The following NGEF variants were observed in gnomAD, a reference collection of about 807,000 sequenced individuals.
NGEF encodes neuronal guanine nucleotide exchange factor, also known as ephexin-1.
A neutral mutation model predicts 80.9 loss-of-function variants in NGEF; 31 were observed. The ratio of observed to expected loss-of-function variants is 0.38; its 90% CI spans 0.29 to 0.52. NGEF has a LOEUF of 0.52. Among genes scored for constraint, NGEF ranks in the 20% least tolerant of loss-of-function variants. The pLI is 0.84. For synonymous variants in NGEF, 371 were observed against 370.2 expected (o/e 1.00, Z -0.03); for missense variants, 709 against 926.2 (o/e 0.77, Z 3.04).
At chr2:232,899,610 TCA>T (rs760549339) in intron 5 of NGEF, among the ~76,000 whole-genome samples, 34 of 95,772 alleles carry the variant, frequency 3.6e-4, no homozygotes, top group African/African-American at 7.3e-4. Flanking sequence ...TCACATTCAC[TCA>T]CACACACATG....
chr2:232,939,175 CAAAAAAAAAAA>C (rs60357492), intron 3 of NGEF, among the ~76,000 whole-genome samples: 4 of 66,074 alleles, frequency 6.1e-5, no homozygotes, highest in Admixed American at 1.8e-4. Flanking sequence ...GACTCAGTCT[CAAAAAAAAAAA>C]AAAAAAAAAA....
intron 3 of NGEF, among the ~76,000 whole-genome samples, chr2:232,931,704 G>T (rs950867947): frequency 6.6e-6 from 1 of 152,158 alleles, no homozygotes; most frequent in Non-Finnish European, 1.5e-5. Context: ...TGCCAGCTGG[G>T]CCTGAGGAAA....
chr2:232,995,677 TTA>T (rs143771812), intron 1 of NGEF, among the ~76,000 whole-genome samples: 28,032 of 128,938 alleles, frequency 0.22, 3,602 homozygotes, highest in Non-Finnish European at 0.28. Context: ...TATATATGTA[TTA>T]TATATATTAT....
At chr2:232,995,921 AAC>A (rs1694833606) in intron 1 of NGEF, among the ~76,000 whole-genome samples, 1 of 151,548 alleles carries the variant, frequency 6.6e-6, no homozygotes, top group African/African-American at 2.4e-5. Context: ...TCACTTATCC[AAC>A]ACAGCATAAA....
chr2:232,905,328 T>C (rs1211480915), intron 5 of NGEF, among the ~76,000 whole-genome samples: 5 of 152,252 alleles, frequency 3.3e-5, no homozygotes, highest in Admixed American at 1.3e-4. Flanking sequence ...GGTCTCCAGC[T>C]CCTAACCGCG....
At chr2:232,905,521 C>T (rs1692483231) in intron 5 of NGEF, 1 of 287,416 alleles carries the variant, frequency 3.5e-6, no homozygotes, top group Non-Finnish European at 6.9e-6. Flanking sequence ...GCCGGTCCGC[C>T]ACCCCGTCTG....
At position 232,920,454 on chromosome 2, in the gene NGEF, C is replaced by T; in HGVS notation, c.658G>A (p.Glu220Lys). 3 of 1,613,906 alleles carry T rather than the reference C, an allele frequency of 1.9e-6. No homozygotes were observed. The highest frequency in any genetic ancestry group is 1.1e-5 in the South Asian group (1 of 91,018). ...ASEDTPEEEEEEEEEEEPASP... is the reference protein window; with the variant it reads ...ASEDTPEEEEKEEEEEEPASP... The stretch of plus-strand genomic sequence containing the variant: ...GCCGGCTCCTCCTCCTCCTCCTCTT[C>T]TTCTTCCTCCTCCGGGGTGTCCTCA... Residue 220 changes from glutamate to lysine, a missense_variant, in exon 5 of 15, where the codon GAA (glutamate) becomes AAA (lysine). Around this residue, in one of 2 missense-constraint regions of NGEF, gnomAD observed 283 missense variants for 303.4 expected, o/e 0.93. Transcript: ENST00000264051.
At chr2:232,985,193 G>A (rs968353245) in intron 1 of NGEF, among the ~76,000 whole-genome samples, 1 of 152,046 alleles carries the variant, frequency 6.6e-6, no homozygotes, top group African/African-American at 2.4e-5. Flanking sequence ...TTATATTGTC[G>A]GAAGACCTGA....
chr2:232,914,153 CA>C (rs1692744732), intron 5 of NGEF, among the ~76,000 whole-genome samples: 1 of 152,208 alleles, frequency 6.6e-6, no homozygotes, highest in Non-Finnish European at 1.5e-5. Context: ...GCTGCTGTCA[CA>C]CCACAACGAC....
chr2:232,900,568 TCACA>T lies in NGEF; in HGVS notation c.829-5656_829-5653del, dbSNP rs577288263. Among the ~76,000 whole-genome samples the T allele has an allele frequency of 3.8e-4, 15 of 39,182 alleles. 2 individuals carry two copies. Among genetic ancestry groups the T allele is most frequent in the African/African-American group, 1.2e-3 (10 of 8,076 alleles). The allele number at this position is 39,182 out of a possible 152,430, so 25.7% of individuals were successfully genotyped here. The stretch of plus-strand genomic sequence containing the variant: ...CATATACACGTTCACTCACATTCAC[TCACA>T]CACACGCTCTCACAGTCACTCATAT... On this transcript the variant is annotated intron_variant, in intron 5 of 14. Transcript: ENST00000264051.
chr2:232,927,859 G>A, intron 3 of NGEF: 3 of 1,242,328 alleles, frequency 2.4e-6, no homozygotes, highest in East Asian at 3.3e-5. Context: ...CGCGGGGGCG[G>A]CGCGCCGGGG....
chr2:232,948,173 GTGTGTGTGTGTA>G (rs1436277615), intron 3 of NGEF, among the ~76,000 whole-genome samples: 3 of 149,974 alleles, frequency 2.0e-5, no homozygotes, highest in East Asian at 1.9e-4. Context: ...GTGTGTGTGT[GTGTGTGTGTGTA>G]TATAATTATT....
intron 3 of NGEF, among the ~76,000 whole-genome samples, chr2:232,934,645 ATAAAG>A (rs1345488338): frequency 6.6e-6 from 1 of 152,224 alleles, no homozygotes; most frequent in Non-Finnish European, 1.5e-5. Context: ...CATTCACAAA[ATAAAG>A]TATTGATAAA....
rs182302282 is a variant in NGEF, at chr2:232,885,367, C to T, written c.1350G>A (p.Val450=). The part of the protein sequence containing the change: ...ALDAHKELEM[V]VKACNEGVRK... ...TGACGCCCTCGTTGCATGCCTTCAC[C>T]ACCTGGGACAAGAAGGAGGGCACAT... Residue 450 remains valine, a splice_region_variant and synonymous_variant, in exon 10 of 15, where the codon GTG becomes GTA. Coordinates refer to ENST00000264051, the MANE Select transcript of NGEF (RefSeq NM_019850.3). 1.9e-6 allele frequency: 3 copies of T among 1,613,920 alleles called. No individual in the cohort carries two copies. In the African/African-American group the frequency reaches 4.0e-5, roughly 22 times the overall value.
chr2:232,944,941 A>T (rs1050103924), intron 3 of NGEF, among the ~76,000 whole-genome samples: 1 of 151,630 alleles, frequency 6.6e-6, no homozygotes, highest in Non-Finnish European at 1.5e-5. Context: ...TAGTAGGGAC[A>T]GGGTTTCACC....
At chr2:232,899,343 C>G (rs1341805318) in intron 5 of NGEF, among the ~76,000 whole-genome samples, 1 of 152,158 alleles carries the variant, frequency 6.6e-6, no homozygotes, top group Non-Finnish European at 1.5e-5. Context: ...GAATGGCGCT[C>G]TCAGCTCTGT....
intron 1 of NGEF, among the ~76,000 whole-genome samples, chr2:232,987,673 A>G (rs917629464): frequency 6.6e-6 from 1 of 152,086 alleles, no homozygotes; most frequent in African/African-American, 2.4e-5. Flanking sequence ...GAGATATGGG[A>G]ATACGCTGCC....
chr2:232,885,902 G>T (rs1691663943), intron 9 of NGEF, among the ~76,000 whole-genome samples: 2 of 152,254 alleles, frequency 1.3e-5, no homozygotes, highest in Admixed American at 1.3e-4. Flanking sequence ...CTGCCATGTT[G>T]TCTGGAGTGA....
intron 3 of NGEF, among the ~76,000 whole-genome samples, chr2:232,959,144 C>T (rs1693893655): frequency 6.6e-6 from 1 of 152,176 alleles, no homozygotes; most frequent in Non-Finnish European, 1.5e-5. Flanking sequence ...TTTCTTCAGT[C>T]TCTTTTAATT....
Sources: allele counts gnomAD v4.1 joint callset (sites outside exome capture counted in the v4.1 genomes callset), GRCh38; gene constraint gnomAD v4.1.1; regional missense constraint gnomAD v4.1.1; transcripts MANE v1.5; gene names NCBI Gene and HGNC (gene_info 2026-07-23, HGNC 2026-07-21).